The following SASH1 variants were observed in gnomAD, a reference collection of about 807,000 sequenced individuals.
The protein encoded by SASH1 is SAM and SH3 domain-containing protein 1.
In SASH1, 44 loss-of-function variants were observed where a neutral mutation model predicts 125.2. The ratio of observed to expected loss-of-function variants is 0.35; its 90% confidence interval spans 0.28 to 0.45. The LOEUF (loss-of-function observed/expected upper bound fraction) is 0.45, where lower values mean the gene tolerates loss of function less well. Among genes scored for constraint, SASH1 ranks in the 20% least tolerant of loss-of-function variants. SASH1 has a pLI of 1.00. For synonymous variants in SASH1, 639 were observed against 649.1 expected (o/e 0.98, Z 0.24); for missense variants, 1,426 against 1,614.5 (o/e 0.88, Z 2.00).
chr6:148,227,554 C>T, the SASH1 span, among the ~76,000 whole-genome samples: 17 of 152,312 alleles, frequency 1.1e-4, no homozygotes, highest in African/African-American at 3.8e-4. Context: ...GATGGGGTTT[C>T]ACCATGGTGG....
At chr6:148,545,588 G>A (rs1264509504) in intron 18 of SASH1, among the ~76,000 whole-genome samples, 1 of 152,238 alleles carries the variant, frequency 6.6e-6, no homozygotes, top group Non-Finnish European at 1.5e-5. Context: ...AGTAACATTA[G>A]AGGAGTTGTA....
At position 148,549,692 on chromosome 6, in the gene SASH1, T is replaced by A. The variant is rs1422730866; in HGVS notation, c.*1134T>A. 5 of 398,710 alleles carry A rather than the reference T, an allele frequency of 1.3e-5. No homozygotes were observed. Among genetic ancestry groups the A allele is most frequent in the Non-Finnish European group, 2.2e-5 (5 of 225,926 alleles). The allele number at this position is 398,710 out of a possible 1,614,324, so 24.7% of individuals were successfully genotyped here. On this transcript the variant is annotated 3_prime_UTR_variant, in exon 20 of 20. Coordinates refer to ENST00000367467, the MANE Select transcript of SASH1 (RefSeq NM_015278.5). ...AATACTATTATTATCCTTCTTTTTT[T>A]ATTTAGATAATTCTTTTAATTTAAA... is the stretch of plus-strand genomic sequence containing the variant.
intron 2 of SASH1, among the ~76,000 whole-genome samples, 168 bp downstream of exon 2, chr6:148,390,430 C>T (rs887225334): frequency 2.0e-5 from 3 of 152,112 alleles, no homozygotes; most frequent in Non-Finnish European, 4.4e-5. Flanking sequence ...CCAGTTCTGC[C>T]GCAGATATCA....
intron 8 of SASH1, among the ~76,000 whole-genome samples, chr6:148,496,606 T>C (rs1779320143): frequency 6.6e-6 from 1 of 152,230 alleles, no homozygotes; most frequent in Non-Finnish European, 1.5e-5. Flanking sequence ...AATTAACTTT[T>C]ATTGGCTGGG....
intron 1 of SASH1, among the ~76,000 whole-genome samples, chr6:148,348,868 G>T (rs1781603765): frequency 6.6e-6 from 1 of 152,330 alleles, no homozygotes; most frequent in Middle Eastern, 3.4e-3. Context: ...TCAGCCCCAC[G>T]GTCGCTGAGT....
intron 1 of SASH1, among the ~76,000 whole-genome samples, chr6:148,335,264 C>G (rs1781119436): frequency 6.6e-6 from 1 of 151,044 alleles, no homozygotes; most frequent in Non-Finnish European, 1.5e-5. Flanking sequence ...CACCACTGCA[C>G]TCCAGCTTGG....
chr6:148,197,211 A>G, the SASH1 span, among the ~76,000 whole-genome samples: 2 of 152,236 alleles, frequency 1.3e-5, no homozygotes, highest in Non-Finnish European at 2.9e-5. Context: ...CAGGACCTAC[A>G]CATGAGATGG....
At chr6:148,468,137 C>T (rs1455383755) in intron 4 of SASH1, among the ~76,000 whole-genome samples, 1 of 152,190 alleles carries the variant, frequency 6.6e-6, no homozygotes, top group Non-Finnish European at 1.5e-5. Flanking sequence ...CCACTGTACT[C>T]ATCTGTGGGC....
At chr6:148,232,989 G>A in the SASH1 span, among the ~76,000 whole-genome samples, 1 of 152,020 alleles carries the variant, frequency 6.6e-6, no homozygotes, top group East Asian at 1.9e-4. Context: ...GCCAAGGTGG[G>A]CGGATCACCT....
the SASH1 span, among the ~76,000 whole-genome samples, chr6:148,239,064 G>C: frequency 2.6e-5 from 4 of 152,150 alleles, no homozygotes; most frequent in Non-Finnish European, 5.9e-5. Context: ...CTCAACTAGG[G>C]ACATTAGAGT....
chr6:148,361,142 C>A (rs187483915), intron 1 of SASH1, among the ~76,000 whole-genome samples: 1 of 152,140 alleles, frequency 6.6e-6, no homozygotes, highest in Admixed American at 6.5e-5. Flanking sequence ...TAGGAAGTGG[C>A]GAGGACCTCT....
intron 2 of SASH1, among the ~76,000 whole-genome samples, chr6:148,401,123 G>T (rs1034451387): frequency 6.6e-6 from 1 of 151,956 alleles, no homozygotes; most frequent in Non-Finnish European, 1.5e-5. Context: ...GAATGGTGGC[G>T]CATGCCTGTA....
chr6:148,466,451 G>T (rs557192940), intron 4 of SASH1, among the ~76,000 whole-genome samples: 3 of 152,322 alleles, frequency 2.0e-5, no homozygotes, highest in Admixed American at 6.5e-5. Context: ...CTTATTAAAG[G>T]CTGCTCTGCG....
chr6:148,499,872 G>A (rs537789997), intron 8 of SASH1, among the ~76,000 whole-genome samples: 4 of 152,024 alleles, frequency 2.6e-5, no homozygotes, highest in African/African-American at 9.6e-5. Context: ...TTCTGTAATA[G>A]GTTGTTTCCT....
At chr6:148,252,115 T>C in the SASH1 span, among the ~76,000 whole-genome samples, 1 of 152,134 alleles carries the variant, frequency 6.6e-6, no homozygotes, top group African/African-American at 2.4e-5. Context: ...TCTTGACGTA[T>C]GACTTTGCTT....
At chr6:148,449,623 G>T (rs1266215073) in intron 4 of SASH1, among the ~76,000 whole-genome samples, 2 of 152,114 alleles carry the variant, frequency 1.3e-5, no homozygotes, top group Non-Finnish European at 2.9e-5. Context: ...CCGACCTCAG[G>T]TGATCCACCC....
At position 148,459,733 on chromosome 6, in the gene SASH1, TTTAA is replaced by T. The variant is rs540236692; in HGVS notation, c.387-8809_387-8806del. 4.4e-3 allele frequency among the ~76,000 whole-genome samples: 589 copies of T among 132,394 alleles called. 5 individuals carry two copies. Among genetic ancestry groups the T allele is most frequent in the African/African-American group, 0.019 (547 of 29,368 alleles). The allele number at this position is 132,394 out of a possible 152,430, so 86.9% of individuals were successfully genotyped here. On this transcript the variant is annotated intron_variant, in intron 4 of 19. Transcript: ENST00000367467. Reference sequence around the variant, plus strand: ...CGCTAATAATAGCTAGCTTATTTTATTTAATTTTTTTAGTGCTTAGCATGTGCAG... The same window carrying T: ...CGCTAATAATAGCTAGCTTATTTTATTTTTTTTAGTGCTTAGCATGTGCAG...
rs145352067 is a variant in SASH1 at position 148,449,578 on chromosome 6, G to A, written c.386+9171G>A. On this transcript the variant is annotated intron_variant, in intron 4 of 19. Transcript: ENST00000367467. ...AATTTTGTATTTTTAGCAGAGACAG[G>A]GTTTCTCCATGTTGGTCAGCCTGGT... is the stretch of plus-strand genomic sequence containing the variant. 1.0e-3 allele frequency among the ~76,000 whole-genome samples: 155 copies of A among 151,980 alleles called. 1 individual carries two copies. The East Asian group carries it at 0.029, about 28-fold the overall frequency.
chr6:148,326,348 ATATATATATG>A (rs1582968504), intron 1 of SASH1, among the ~76,000 whole-genome samples: 6 of 87,188 alleles, frequency 6.9e-5, no homozygotes, highest in Non-Finnish European at 1.1e-4. Context: ...ATATATATAT[ATATATATATG>A]CATATATATA....
Sources: gnomAD v4.1 joint callset for allele counts (sites outside exome capture counted in the v4.1 genomes callset) on GRCh38, gnomAD v4.1.1 for gene constraint, MANE v1.5 for transcripts, NCBI Gene and HGNC (gene_info 2026-07-23, HGNC 2026-07-21) for gene names.